Variants in GHR observed in about 807,000 individuals in gnomAD.
GHR encodes the protein growth hormone receptor.
Under a neutral mutation model 67.1 loss-of-function variants are expected in GHR, and 35 were observed. The observed-to-expected ratio is 0.52, with a 90% CI of 0.40 to 0.69. The LOEUF (loss-of-function observed/expected upper bound fraction) is 0.69, where lower values mean the gene tolerates loss of function less well. Ranked by LOEUF, GHR falls within the 30% of genes least tolerant of loss-of-function variation. The pLI, the probability that GHR is intolerant of heterozygous loss-of-function variation, is 0.00. For missense variants in GHR, 792 were observed against 764.6 expected (o/e 1.04, Z -0.42); for synonymous variants, 272 against 269.1 (o/e 1.01, Z -0.10).
intron 3 of GHR, among the ~76,000 whole-genome samples, chr5:42,660,031 T>A (rs973672501): frequency 2.0e-5 from 3 of 152,140 alleles, no homozygotes; most frequent in African/African-American, 4.8e-5. Flanking sequence ...GAGATCAAAC[T>A]GCAAGGTGGC....
chr5:42,467,566 G>A (rs1579753468), intron 1 of GHR: 63 of 1,550,318 alleles, frequency 4.1e-5, no homozygotes, highest in Non-Finnish European at 5.6e-5. Context: ...TTTTTCTAAG[G>A]AGAGGTTTTT....
chr5:42,502,832 A>T (rs959515397), intron 1 of GHR, among the ~76,000 whole-genome samples: 6 of 148,260 alleles, frequency 4.0e-5, no homozygotes, highest in African/African-American at 2.4e-5. Context: ...TTATAATTAT[A>T]TTTATTAAAA....
intron 3 of GHR, among the ~76,000 whole-genome samples, chr5:42,681,438 C>T (rs1488166538): frequency 2.0e-5 from 3 of 152,036 alleles, no homozygotes; most frequent in South Asian, 2.1e-4. Flanking sequence ...GAATGGCGAT[C>T]GTTAAAAAGT....
intron 2 of GHR, among the ~76,000 whole-genome samples, chr5:42,616,868 C>G (rs1484935776): frequency 6.6e-6 from 1 of 151,906 alleles, no homozygotes; most frequent in Non-Finnish European, 1.5e-5. Flanking sequence ...CAGTAATGTA[C>G]TGGGTCAAAT....
intron 2 of GHR, among the ~76,000 whole-genome samples, chr5:42,599,833 T>A (rs751879092): frequency 1.1e-4 from 17 of 152,226 alleles, no homozygotes; most frequent in Non-Finnish European, 1.8e-4. Context: ...TTGGCTAGAC[T>A]TAAGTAGCTG....
intron 1 of GHR, among the ~76,000 whole-genome samples, chr5:42,511,717 A>G (rs1747025194): frequency 6.6e-6 from 1 of 151,906 alleles, no homozygotes. Context: ...TTTGTGTGAA[A>G]GAGGAGAATG....
chr5:42,710,957 CT>C (rs1758425602), intron 6 of GHR, among the ~76,000 whole-genome samples: 1 of 152,130 alleles, frequency 6.6e-6, no homozygotes, highest in African/African-American at 2.4e-5. Context: ...ACAGTTATAG[CT>C]GCATTTCTTT....
chr5:42,634,400 C>A (rs945643483), intron 3 of GHR, among the ~76,000 whole-genome samples: 1 of 151,810 alleles, frequency 6.6e-6, no homozygotes, highest in East Asian at 1.9e-4. Flanking sequence ...TTTTGCACCC[C>A]CCCTTAATAA....
intron 2 of GHR, among the ~76,000 whole-genome samples, chr5:42,576,129 A>G (rs1561136006): frequency 1.6e-3 from 164 of 102,520 alleles, no homozygotes; most frequent in African/African-American, 6.2e-3. Context: ...AAAATAAAAT[A>G]AAATAAAATA....
At chr5:42,595,368 G>A (rs954942049) in intron 2 of GHR, among the ~76,000 whole-genome samples, 4 of 152,180 alleles carry the variant, frequency 2.6e-5, no homozygotes, top group Admixed American at 1.3e-4. Flanking sequence ...AATCAGGTAT[G>A]TTCTTATATG....
Position 42,662,757 on chromosome 5 carries a change from G to A in GHR, c.137-26133G>A, listed in dbSNP as rs183009652. Among the ~76,000 whole-genome samples the A allele has an allele frequency of 3.3e-4, 50 of 152,240 alleles. 5 individuals are homozygous for A. The highest frequency in any genetic ancestry group is 1.2e-3 in the African/African-American group (48 of 41,540). Reference sequence around the variant, plus strand: ...AGAAGGCAAGAAATAACTAAGATCAGAGCAGAACTGAAGGAAATAGAGACA... The same window carrying A: ...AGAAGGCAAGAAATAACTAAGATCAAAGCAGAACTGAAGGAAATAGAGACA... On this transcript the variant is annotated intron_variant, in intron 3 of 9. Coordinates refer to ENST00000230882, the MANE Select transcript of GHR (RefSeq NM_000163.5).
intron 1 of GHR, among the ~76,000 whole-genome samples, chr5:42,451,549 C>G (rs190476263): frequency 3.3e-5 from 5 of 151,988 alleles, no homozygotes; most frequent in African/African-American, 7.2e-5. Flanking sequence ...ACTAAAAATA[C>G]AAAGAAATTA....
At position 42,598,055 on chromosome 5, in the gene GHR, G is replaced by A. The variant is rs567348939; in HGVS notation, c.71-30983G>A. Among the ~76,000 whole-genome samples, 8 of 152,322 alleles carry A rather than the reference G, an allele frequency of 5.3e-5. No individual in the cohort carries two copies. The South Asian group carries it at 8.3e-4, about 16-fold the overall frequency. On this transcript the variant is annotated intron_variant, in intron 2 of 9. Coordinates refer to ENST00000230882, the MANE Select transcript of GHR (RefSeq NM_000163.5). ...CTTTAATGATGACCAAAGAAGTTGGGTCTTTAAAGATGACAAGAGAAGACT... is the reference window on the plus strand; with the variant it reads ...CTTTAATGATGACCAAAGAAGTTGGATCTTTAAAGATGACAAGAGAAGACT...
Position 42,424,365 on chromosome 5 carries a change from T to C in GHR, c.-12+410T>C. 1 of 593,056 alleles carries C rather than the reference T, an allele frequency of 1.7e-6. No homozygotes were observed. The highest frequency in any genetic ancestry group is 2.0e-5 in the South Asian group (1 of 49,608). The allele number at this position is 593,056 out of a possible 1,614,324, so 36.7% of individuals were successfully genotyped here. A position where few individuals can be genotyped will look rare whatever the true frequency, so the allele number is the denominator to read the frequency against. Reference sequence around the variant, plus strand: ...AAGTCATAAAAGTTTTGCTAGTGTGTTTCTGTTTGCCATCATCTGCCTGGC... The same window carrying C: ...AAGTCATAAAAGTTTTGCTAGTGTGCTTCTGTTTGCCATCATCTGCCTGGC... On this transcript the variant is annotated intron_variant, in intron 1 of 9. Coordinates refer to ENST00000230882, the MANE Select transcript of GHR (RefSeq NM_000163.5). The surrounding 1 kb of genome is among the most constrained non-coding windows in gnomAD (Gnocchi z 4.1).
Position 42,719,114 on chromosome 5 carries a change from G to T in GHR, c.1607G>T (p.Cys536Phe). The T allele has an allele frequency of 6.2e-7, 1 of 1,613,744 alleles. No homozygotes were observed. The highest frequency in any genetic ancestry group is 8.5e-7 in the Non-Finnish European group (1 of 1,179,652). ...ENFLMDNAYF[C>F]EADAKKCIPV... is the part of the protein sequence containing the mutation. ...TTCCTTATGGACAATGCCTACTTCT[G>T]TGAGGCAGATGCCAAAAAGTGCATC... The change falls in exon 10 of 10, where the codon TGT becomes TTT. Residue 536 changes from cysteine (C) to phenylalanine (F), a missense_variant. Physicochemically the swap from Cys to Phe is radical, Grantham distance 205. Coordinates refer to ENST00000230882, the MANE Select transcript of GHR (RefSeq NM_000163.5).
intron 1 of GHR, among the ~76,000 whole-genome samples, chr5:42,495,519 T>C (rs895215765): frequency 3.3e-5 from 5 of 152,056 alleles, no homozygotes; most frequent in Non-Finnish European, 7.4e-5. Context: ...CCTGTATTAG[T>C]TCACCCCCAC....
chr5:42,640,499 G>T (rs989691144), intron 3 of GHR, among the ~76,000 whole-genome samples: 3 of 151,940 alleles, frequency 2.0e-5, no homozygotes, highest in African/African-American at 7.3e-5. Flanking sequence ...ACTACTCCTG[G>T]AAGAGTAGGA....
chr5:42,683,795 A>G lies in GHR; in HGVS notation c.137-5095A>G, dbSNP rs77970041. On this transcript the variant is annotated intron_variant, in intron 3 of 9. Transcript: ENST00000230882. ...CTGTATCGGAGTTCCATGTGCAGAC[A>G]CACACGTCATCACATCAGCACCACA... Among the ~76,000 whole-genome samples, 19 of 152,368 alleles carry G rather than the reference A, an allele frequency of 1.2e-4. 1 individual carries two copies. In the East Asian group the frequency reaches 3.7e-3, roughly 29 times the overall value.
At chr5:42,574,254 C>T (rs1486747659) in intron 2 of GHR, among the ~76,000 whole-genome samples, 3 of 152,130 alleles carry the variant, frequency 2.0e-5, no homozygotes, top group Non-Finnish European at 4.4e-5. Context: ...GTCAGGGCAC[C>T]GTTTGGCCAG....
Sources: gnomAD v4.1 joint callset for allele counts (sites outside exome capture counted in the v4.1 genomes callset) on GRCh38, gnomAD v4.1.1 for gene constraint, Gnocchi (gnomAD v3.1) non-coding constraint, MANE v1.5 for transcripts, NCBI Gene and HGNC (gene_info 2026-07-23, HGNC 2026-07-21) for gene names.